FBXO25: variants seen among roughly 807,000 people sequenced by gnomAD.
The protein encoded by FBXO25 is F-box only protein 25.
Under a neutral mutation model 51.9 loss-of-function variants are expected in FBXO25, and 45 were observed. The observed-to-expected ratio is 0.87, with a 90% CI of 0.68 to 1.11. FBXO25 has a LOEUF of 1.11. Among genes scored for constraint, FBXO25 ranks in the 50% most tolerant of loss-of-function variants. The pLI is 0.00. For synonymous variants in FBXO25, 199 were observed against 151.0 expected, an observed-to-expected ratio of 1.32 and a Z score of -2.33; for missense variants, 507 against 428.5, an observed-to-expected ratio of 1.18 and a Z score of -1.62.
chr8:427,574 A>G (rs544980379), intron 2 of FBXO25, among the ~76,000 whole-genome samples: 62 of 149,552 alleles, frequency 4.1e-4, no homozygotes, highest in Non-Finnish European at 6.5e-4. Flanking sequence ...AAAACCACAG[A>G]AATGTATGTC....
chr8:462,889 G>A, intron 8 of FBXO25, 118 bp from the exon 9 acceptor site: 1 of 1,173,948 alleles, frequency 8.5e-7, no homozygotes. Context: ...TAACCCTAAA[G>A]CTATTGAAGT....
intron 5 of FBXO25, among the ~76,000 whole-genome samples, chr8:437,152 T>C (rs1316792451): frequency 6.6e-6 from 1 of 152,224 alleles, no homozygotes; most frequent in Non-Finnish European, 1.5e-5. Flanking sequence ...ATACCTACTT[T>C]AGCCTCATCC....
chr8:412,087 T>G (rs1361157970), intron 1 of FBXO25, among the ~76,000 whole-genome samples: 1 of 152,226 alleles, frequency 6.6e-6, no homozygotes, highest in African/African-American at 2.4e-5. Flanking sequence ...GTCTCACTCT[T>G]ATCAAATTGT....
intron 2 of FBXO25, among the ~76,000 whole-genome samples, chr8:423,297 GTTC>G (rs1678282336): frequency 6.6e-6 from 1 of 152,232 alleles, no homozygotes; most frequent in Non-Finnish European, 1.5e-5. Flanking sequence ...GTGCTTACTG[GTTC>G]TTCTTCTCCT....
intron 5 of FBXO25, among the ~76,000 whole-genome samples, chr8:446,203 C>T (rs890436973): frequency 2.0e-5 from 3 of 152,084 alleles, no homozygotes; most frequent in African/African-American, 7.2e-5. Context: ...AGACCTCGGG[C>T]TCCCCTAACA....
chr8:433,601 G>A (rs904102134), intron 4 of FBXO25, among the ~76,000 whole-genome samples: 1 of 152,196 alleles, frequency 6.6e-6, no homozygotes, highest in African/African-American at 2.4e-5. Context: ...TAAAACAAAC[G>A]AGAGAGCTTC....
intron 1 of FBXO25, among the ~76,000 whole-genome samples, chr8:411,788 G>A (rs1294304306): frequency 1.3e-5 from 2 of 152,128 alleles, no homozygotes; most frequent in Admixed American, 1.3e-4. Context: ...TTTGGACGGG[G>A]AGTCAGGGAG....
chr8:414,363 G>A (rs1298400782), intron 2 of FBXO25, among the ~76,000 whole-genome samples: 1 of 152,058 alleles, frequency 6.6e-6, no homozygotes, highest in African/African-American at 2.4e-5. Context: ...AAAATTTAAA[G>A]ATGGTTGACT....
intron 9 of FBXO25, among the ~76,000 whole-genome samples, chr8:467,334 C>T (rs1056551928): frequency 6.6e-6 from 1 of 152,190 alleles, no homozygotes; most frequent in Non-Finnish European, 1.5e-5. Context: ...GAACAAAGAA[C>T]TTTCCCCAAA....
At chr8:438,609 C>T (rs1798237533) in intron 5 of FBXO25, among the ~76,000 whole-genome samples, 1 of 152,172 alleles carries the variant, frequency 6.6e-6, no homozygotes, top group Admixed American at 6.5e-5. Flanking sequence ...ATGGCCCCAC[C>T]TTTTGTTCAC....
At chr8:435,319 C>G (rs547800181) in intron 4 of FBXO25, 4 of 397,658 alleles carry the variant, frequency 1.0e-5, no homozygotes, top group African/African-American at 6.4e-5. Context: ...CGTCCACACC[C>G]CAGTTTGTCC....
chr8:470,004 AAT>A lies in FBXO25; in HGVS notation c.*1205_*1206del, dbSNP rs1277102190. On this transcript the variant is annotated 3_prime_UTR_variant, in exon 10 of 10. Transcript: ENST00000350302. ...GATGCAAATACCTGGGGCCTCTGCG[AAT>A]ATATGTTAGTTTTTCATAAGACCAT... The A allele has an allele frequency of 2.6e-5, 4 of 152,166 alleles. No individual in the cohort carries two copies. The highest frequency in any genetic ancestry group is 1.5e-5 in the Non-Finnish European group (1 of 68,046). The allele number at this position is 152,166 out of a possible 1,614,324, so 9.4% of individuals were successfully genotyped here. A position where few individuals can be genotyped will look rare whatever the true frequency, so the allele number is the denominator to read the frequency against.
chr8:440,167 T>G (rs1798340379), intron 5 of FBXO25, among the ~76,000 whole-genome samples: 1 of 152,158 alleles, frequency 6.6e-6, no homozygotes, highest in Non-Finnish European at 1.5e-5. Flanking sequence ...TCTTTCTTAT[T>G]TATTTACTCA....
At chr8:431,749 G>T (rs1797832785) in intron 3 of FBXO25, among the ~76,000 whole-genome samples, 1 of 152,196 alleles carries the variant, frequency 6.6e-6, no homozygotes, top group Admixed American at 6.5e-5. Context: ...GAGGTGTCCT[G>T]ACTTGAGTTT....
intron 7 of FBXO25, among the ~76,000 whole-genome samples, chr8:453,890 A>C (rs2335516): frequency 4.6e-5 from 7 of 151,894 alleles, no homozygotes; most frequent in African/African-American, 1.7e-4. Flanking sequence ...TTGGGAGGCC[A>C]AGTCAGGTGG....
rs190140400 is a variant in FBXO25, at chr8:436,500, G to A, written c.381+793G>A. 1.7e-3 allele frequency among the ~76,000 whole-genome samples: 255 copies of A among 152,294 alleles called. 1 individual carries two copies. The highest frequency in any genetic ancestry group is 3.8e-3 in the Admixed American group (58 of 15,292). ...AATATTATTTGTTCAGTTTGCTTCTGAGCAGAATTTCCAGGGCTGCTTATG... is the reference window on the plus strand; with the variant it reads ...AATATTATTTGTTCAGTTTGCTTCTAAGCAGAATTTCCAGGGCTGCTTATG... On this transcript the variant is annotated intron_variant, in intron 5 of 9. Transcript: ENST00000350302.
intron 5 of FBXO25, among the ~76,000 whole-genome samples, chr8:442,572 C>A (rs1274582695): frequency 1.3e-5 from 2 of 152,090 alleles, no homozygotes; most frequent in South Asian, 2.1e-4. Flanking sequence ...CGGGTTCAAG[C>A]GATTCTCCTG....
At position 469,403 on chromosome 8, in the gene FBXO25, C is replaced by T. The variant is rs956293123; in HGVS notation, c.*599C>T. 3 of 152,454 alleles carry T rather than the reference C, an allele frequency of 2.0e-5. No homozygotes were observed. The highest frequency in any genetic ancestry group is 6.5e-5 in the Admixed American group (1 of 15,296). The allele number at this position is 152,454 out of a possible 1,614,324, so 9.4% of individuals were successfully genotyped here. ...GCAGCCCAACAACGGGCAGTGGTCT[C>T]TGTGCTCCTAGGCATCCAGCACAGG... is the stretch of plus-strand genomic sequence containing the variant. On this transcript the variant is annotated 3_prime_UTR_variant, in exon 10 of 10. Transcript: ENST00000350302.
Position 413,230 on chromosome 8 carries a change from C to A in FBXO25, c.134+17C>A, listed in dbSNP as rs931667589. On this transcript the variant is annotated intron_variant, in intron 2 of 9. Coordinates refer to ENST00000350302, the MANE Select transcript of FBXO25 (RefSeq NM_183420.2). ...TCACAGCATGTAAGTTACAGCTGAG[C>A]AGAACCATGCCATTTGCCAGTTTAG... is the stretch of plus-strand genomic sequence containing the variant. The A allele has an allele frequency of 4.5e-6, 7 of 1,553,820 alleles. No individual in the cohort carries two copies. The African/African-American group carries it at 8.4e-5, about 19-fold the overall frequency.
Sources: allele counts gnomAD v4.1 joint callset (sites outside exome capture counted in the v4.1 genomes callset), GRCh38; gene constraint gnomAD v4.1.1; transcripts MANE v1.5; gene names NCBI Gene and HGNC (gene_info 2026-07-23, HGNC 2026-07-21).